Variants in THSD7B observed in about 807,000 individuals in gnomAD.
THSD7B encodes thrombospondin type 1 domain containing 7B.
In THSD7B, 138 loss-of-function variants were observed where a neutral mutation model predicts 213.6. The observed-to-expected ratio is 0.65, with a 90% confidence interval of 0.56 to 0.74. THSD7B has a LOEUF of 0.74. Ranked by LOEUF, THSD7B falls within the 30% of genes least tolerant of loss-of-function variation. The probability of loss-of-function intolerance (pLI) is 0.00; values close to 1 mark genes in which losing one functional copy is unlikely to be tolerated. For synonymous variants in THSD7B, 742 were observed against 687.0 expected, an observed-to-expected ratio of 1.08 and a Z score of -1.25; for missense variants, 1,931 against 1,991.5, an observed-to-expected ratio of 0.97 and a Z score of 0.58.
At chr2:137,156,611 A>G (rs995630657) in intron 5 of THSD7B, among the ~76,000 whole-genome samples, 2 of 152,184 alleles carry the variant, frequency 1.3e-5, no homozygotes, top group Non-Finnish European at 2.9e-5. Flanking sequence ...TTAACCTCAC[A>G]ACCCCCATAA....
chr2:137,665,529 T>C (rs1009885068), intron 26 of THSD7B, among the ~76,000 whole-genome samples: 13 of 151,996 alleles, frequency 8.6e-5, no homozygotes, highest in African/African-American at 2.7e-4. Flanking sequence ...CAACTTTCAT[T>C]AGGTTCTCAT....
rs1000236647 is a variant in THSD7B, at chr2:137,493,019, G to T, written c.3138+41996G>T. Among the ~76,000 whole-genome samples, 11 of 149,500 alleles carry T rather than the reference G, an allele frequency of 7.4e-5. No individual in the cohort carries two copies. In the East Asian group the frequency reaches 1.8e-3, roughly 25 times the overall value. Reference sequence around the variant, plus strand: ...GCCTATAATCCCAGCTACTTGGGAGGCTGAGGAGGGAGAATTGCTTGAACC... The same window carrying T: ...GCCTATAATCCCAGCTACTTGGGAGTCTGAGGAGGGAGAATTGCTTGAACC... On this transcript the variant is annotated intron_variant, in intron 15 of 27. Coordinates refer to ENST00000409968, the MANE Select transcript of THSD7B (RefSeq NM_001316349.2).
At chr2:137,574,108 T>A (rs567069796) in intron 17 of THSD7B, among the ~76,000 whole-genome samples, 8 of 152,158 alleles carry the variant, frequency 5.3e-5, no homozygotes, top group African/African-American at 1.9e-4. Context: ...CTCACTTTTG[T>A]TTTTCTAATT....
intron 15 of THSD7B, among the ~76,000 whole-genome samples, chr2:137,547,573 C>G (rs1432876884): frequency 6.6e-6 from 1 of 151,982 alleles, no homozygotes; most frequent in Non-Finnish European, 1.5e-5. Flanking sequence ...TATTTTATCT[C>G]TTGGATAAAA....
intron 2 of THSD7B, among the ~76,000 whole-genome samples, chr2:136,883,808 A>T (rs1683667177): frequency 6.6e-6 from 1 of 152,190 alleles, no homozygotes; most frequent in Admixed American, 6.6e-5. Flanking sequence ...TTCAGAAGTG[A>T]GGATCCTTTT....
chr2:137,204,655 T>C (rs964928491), intron 7 of THSD7B, among the ~76,000 whole-genome samples: 1 of 152,152 alleles, frequency 6.6e-6, no homozygotes, highest in Non-Finnish European at 1.5e-5. Context: ...AACATATGTA[T>C]TTTTTATTGA....
chr2:137,491,741 T>C (rs1679405838), intron 15 of THSD7B, among the ~76,000 whole-genome samples: 1 of 152,194 alleles, frequency 6.6e-6, no homozygotes. Context: ...TTTAAAAAGA[T>C]TTATGTCTTC....
At position 137,482,834 on chromosome 2, in the gene THSD7B, G is replaced by A. The variant is rs571062603; in HGVS notation, c.3138+31811G>A. On this transcript the variant is annotated intron_variant, in intron 15 of 27. Transcript: ENST00000409968. ...CCAGAGCAACGAAAAGGACAGACACGGGTGAGAGGAAAGGCAGGAAGTGGG... is the reference window on the plus strand; with the variant it reads ...CCAGAGCAACGAAAAGGACAGACACAGGTGAGAGGAAAGGCAGGAAGTGGG... Among the ~76,000 whole-genome samples the A allele has an allele frequency of 2.8e-4, 42 of 152,270 alleles. 1 individual carries two copies. The highest frequency in any genetic ancestry group is 2.5e-3 in the Admixed American group (38 of 15,294).
chr2:137,169,291 T>G (rs1277833406), intron 6 of THSD7B, among the ~76,000 whole-genome samples: 1 of 151,542 alleles, frequency 6.6e-6, no homozygotes, highest in Non-Finnish European at 1.5e-5. Flanking sequence ...TTGAGGTTTT[T>G]TTTTTTTTTT....
intron 1 of THSD7B, among the ~76,000 whole-genome samples, chr2:136,782,625 G>A (rs1035985248): frequency 6.6e-6 from 1 of 152,030 alleles, no homozygotes; most frequent in Non-Finnish European, 1.5e-5. Context: ...GGGGTGGTTG[G>A]GGGGTTGGGG....
chr2:137,674,893 C>A (rs1683662316), intron 27 of THSD7B, among the ~76,000 whole-genome samples: 1 of 152,110 alleles, frequency 6.6e-6, no homozygotes, highest in Non-Finnish European at 1.5e-5. Context: ...TAATTTATTT[C>A]TTTAACTTGT....
At chr2:137,212,819 A>C (rs1681147338) in intron 7 of THSD7B, among the ~76,000 whole-genome samples, 1 of 152,044 alleles carries the variant, frequency 6.6e-6, no homozygotes, top group South Asian at 2.1e-4. Flanking sequence ...TCCAGGACAA[A>C]ACCAAGATGC....
intron 12 of THSD7B, among the ~76,000 whole-genome samples, chr2:137,365,128 CA>C (rs1685376201): frequency 6.6e-6 from 1 of 152,258 alleles, no homozygotes; most frequent in African/African-American, 2.4e-5. Context: ...ATGACAAAAA[CA>C]AGAAATGAGG....
Position 137,405,781 on chromosome 2 carries a change from C to T in THSD7B, c.2669C>T (p.Thr890Ile). Reference sequence around the variant, plus strand: ...CCCTGCTCCACGAACTGTGAAGCCACAAAAAGTAGGCGGCGACAGCTCACA... The same window carrying T: ...CCCTGCTCCACGAACTGTGAAGCCATAAAAAGTAGGCGGCGACAGCTCACA... ...FTPCSTNCEA[T>I]KSRRRQLTGK... Residue 890 changes from threonine (T) to isoleucine (I), a missense_variant, in exon 13 of 28, where the codon ACA becomes ATA. Transcript: ENST00000409968. 2 of 1,612,708 alleles carry T rather than the reference C, an allele frequency of 1.2e-6. No individual in the cohort carries two copies. Among genetic ancestry groups the T allele is most frequent in the Middle Eastern group, 1.7e-4 (1 of 6,054 alleles).
intron 2 of THSD7B, among the ~76,000 whole-genome samples, chr2:136,949,221 T>C (rs896408061): frequency 6.6e-6 from 1 of 152,210 alleles, no homozygotes; most frequent in African/African-American, 2.4e-5. Flanking sequence ...CTTGCTTCTT[T>C]GGAAACAAAT....
At chr2:137,356,312 C>T (rs1231517640) in intron 12 of THSD7B, among the ~76,000 whole-genome samples, 1 of 152,180 alleles carries the variant, frequency 6.6e-6, no homozygotes, top group Non-Finnish European at 1.5e-5. Context: ...CCCTCCCCTT[C>T]TTTCTTTAGG....
chr2:136,849,032 G>T lies in THSD7B; in HGVS notation c.-35-33112G>T, dbSNP rs1683054435. 3.9e-5 allele frequency among the ~76,000 whole-genome samples: 6 copies of T among 152,174 alleles called. No individual in the cohort carries two copies. In the South Asian group the frequency reaches 1.2e-3, roughly 32 times the overall value. On this transcript the variant is annotated intron_variant, in intron 1 of 27. Transcript: ENST00000409968. Reference sequence around the variant, plus strand: ...TAATTCCCATTTCCAAGATGAGGAGGTTGATACTGAGAAATGTCACCTGAC... The same window carrying T: ...TAATTCCCATTTCCAAGATGAGGAGTTTGATACTGAGAAATGTCACCTGAC...
intron 3 of THSD7B, among the ~76,000 whole-genome samples, chr2:137,065,539 G>A (rs1365756917): frequency 6.6e-6 from 1 of 151,904 alleles, no homozygotes; most frequent in Non-Finnish European, 1.5e-5. Context: ...ATGTTAAATA[G>A]CAGTGGTGGC....
At chr2:137,469,692 A>G (rs1688056434) in intron 15 of THSD7B, among the ~76,000 whole-genome samples, 1 of 152,174 alleles carries the variant, frequency 6.6e-6, no homozygotes, top group South Asian at 2.1e-4. Context: ...TGAAAACTTT[A>G]AACTTTTTTC....
Sources: gnomAD v4.1 joint callset for allele counts (sites outside exome capture counted in the v4.1 genomes callset) on GRCh38, gnomAD v4.1.1 for gene constraint, MANE v1.5 for transcripts, NCBI Gene and HGNC (gene_info 2026-07-23, HGNC 2026-07-21) for gene names.